PAN3: variants seen among roughly 807,000 people sequenced by gnomAD.
PAN3 encodes PAN2-PAN3 deadenylation complex subunit PAN3.
A neutral mutation model predicts 96.2 loss-of-function variants in PAN3; 19 were observed. The observed-to-expected ratio is 0.20, with a 90% CI of 0.14 to 0.29. PAN3 has a LOEUF of 0.29. PAN3 is among the 10% of genes least tolerant of loss of function. The pLI is 1.00. For synonymous variants in PAN3, 433 were observed against 406.6 expected, an observed-to-expected ratio of 1.06 and a Z score of -0.78; for missense variants, 882 against 1,108.1, an observed-to-expected ratio of 0.80 and a Z score of 2.90.
At chr13:28,220,152 C>T in intron 5 of PAN3, 79 bp from the exon 6 acceptor site, 1 of 1,347,780 alleles carries the variant, frequency 7.4e-7, no homozygotes, top group Non-Finnish European at 1.0e-6. Context: ...AAATAAAGCA[C>T]TGTGGAATAT....
At chr13:28,222,324 G>A (rs1881498090) in intron 6 of PAN3, among the ~76,000 whole-genome samples, 1 of 151,614 alleles carries the variant, frequency 6.6e-6, no homozygotes, top group Non-Finnish European at 1.5e-5. Flanking sequence ...AATTAAATTA[G>A]CTGAAAATCT....
rs35542876 is a variant in PAN3 at position 28,280,555 on chromosome 13, ATTTTTTT to A, written c.2319+32_2319+38del. The A allele has an allele frequency of 9.2e-5, 106 of 1,150,748 alleles. No homozygotes were observed. Among genetic ancestry groups the A allele is most frequent in the African/African-American group, 3.0e-4 (14 of 46,748 alleles). The allele number at this position is 1,150,748 out of a possible 1,614,324, so 71.3% of individuals were successfully genotyped here. A position where few individuals can be genotyped will look rare whatever the true frequency, so the allele number is the denominator to read the frequency against. ...GACCTTGCAAAGGTAAAGAGTGTAA[ATTTTTTT>A]TTTTTTTTTTTTTTTTTGAGACAGA... On this transcript the variant is annotated intron_variant, in intron 16 of 18. Transcript: ENST00000380958.
At chr13:28,252,638 A>G (rs1884830216) in intron 6 of PAN3, among the ~76,000 whole-genome samples, 1 of 152,072 alleles carries the variant, frequency 6.6e-6, no homozygotes, top group Non-Finnish European at 1.5e-5. Context: ...TCATTTTTCA[A>G]ATGCCCTAAA....
At chr13:28,178,671 C>T (rs1875370090) in intron 4 of PAN3, among the ~76,000 whole-genome samples, 1 of 151,086 alleles carries the variant, frequency 6.6e-6, no homozygotes, top group Non-Finnish European at 1.5e-5. Context: ...GAAGAAAGAC[C>T]CAAAATTTAA....
At chr13:28,261,626 A>T (rs1221543916) in intron 9 of PAN3, among the ~76,000 whole-genome samples, 168 bp downstream of exon 9, 1 of 152,148 alleles carries the variant, frequency 6.6e-6, no homozygotes. Flanking sequence ...TGAGCCCAGA[A>T]GTTTGAGACT....
chr13:28,174,304 A>G lies in PAN3; in HGVS notation c.463A>G (p.Thr155Ala), dbSNP rs151232852. The G allele has an allele frequency of 2.4e-5, 38 of 1,612,774 alleles. No individual in the cohort carries two copies. The highest frequency in any genetic ancestry group is 3.1e-5 in the Non-Finnish European group (36 of 1,178,936). ...AATGGATGGAGGTGCTTTAACTGAT[A>G]CAAGTCTCACAGATTCCTATTTTAG... ...PGMDGGALTDTSLTDSYFSTS... is the reference protein window; with the variant it reads ...PGMDGGALTDASLTDSYFSTS... Residue 155 changes from threonine (T) to alanine (A), a missense_variant, in exon 2 of 19, where the codon ACA becomes GCA. Around this residue, in one of 3 missense-constraint regions of PAN3, gnomAD observed 442 missense variants for 422.8 expected, o/e 1.05. Transcript: ENST00000380958.
At chr13:28,288,377 G>A (rs904922340) in intron 18 of PAN3, among the ~76,000 whole-genome samples, 1 of 152,180 alleles carries the variant, frequency 6.6e-6, no homozygotes, top group African/African-American at 2.4e-5. Flanking sequence ...TTGGCTCACT[G>A]CAACCTCTGC....
At chr13:28,172,511 A>G (rs1020261505) in intron 1 of PAN3, among the ~76,000 whole-genome samples, 13 of 152,250 alleles carry the variant, frequency 8.5e-5, no homozygotes, top group African/African-American at 1.7e-4. Flanking sequence ...TATTATGGAA[A>G]ATTTTAAACT....
At chr13:28,256,675 T>A in intron 7 of PAN3, 136 bp downstream of exon 7, 1 of 908,806 alleles carries the variant, frequency 1.1e-6, no homozygotes, top group Non-Finnish European at 1.6e-6. Context: ...AGATGAGAAG[T>A]CTAGTCTCTT....
At chr13:28,142,530 T>TTTTTTTTTTTG (rs1869997874) in intron 1 of PAN3, among the ~76,000 whole-genome samples, 1 of 145,546 alleles carries the variant, frequency 6.9e-6, no homozygotes, top group Admixed American at 6.8e-5. Context: ...TTTTTTTTTT[T>TTTTTTTTTTTG]GAGACAGGGA....
At chr13:28,188,293 G>A (rs117373896) in intron 4 of PAN3, among the ~76,000 whole-genome samples, 1 of 151,914 alleles carries the variant, frequency 6.6e-6, no homozygotes, top group East Asian at 1.9e-4. Context: ...GCTTCTTTCT[G>A]TTCATTAAAT....
chr13:28,196,468 T>G lies in PAN3; in HGVS notation c.691-717T>G, dbSNP rs184389003. Among the ~76,000 whole-genome samples the G allele has an allele frequency of 3.0e-4, 46 of 152,234 alleles. 1 individual carries two copies. The East Asian group carries it at 8.9e-3, about 29-fold the overall frequency. On this transcript the variant is annotated intron_variant, in intron 4 of 18. Transcript: ENST00000380958. ...TTTCTTATAATGTTAGGCAAATAAT[T>G]TATGATTTTATTGAATAATTTATTC...
intron 4 of PAN3, among the ~76,000 whole-genome samples, chr13:28,193,767 A>G (rs1232977231): frequency 6.6e-6 from 1 of 151,004 alleles, no homozygotes; most frequent in Non-Finnish European, 1.5e-5. Flanking sequence ...CCCAAGAAAC[A>G]AAAACTAACC....
intron 1 of PAN3, among the ~76,000 whole-genome samples, chr13:28,144,234 T>TTG (rs1870276329): frequency 7.0e-6 from 1 of 142,372 alleles, no homozygotes; most frequent in African/African-American, 2.7e-5. Flanking sequence ...TTTTTTTTTT[T>TTG]GATATGGAGT....
intron 6 of PAN3, among the ~76,000 whole-genome samples, chr13:28,235,650 T>C (rs1447444340): frequency 5.3e-5 from 8 of 151,300 alleles, no homozygotes; most frequent in African/African-American, 2.0e-4. Context: ...GAGTATCTCA[T>C]AATTTTTTAG....
chr13:28,288,955 TA>T (rs1869346378), intron 18 of PAN3, among the ~76,000 whole-genome samples: 1 of 149,360 alleles, frequency 6.7e-6, no homozygotes, highest in Non-Finnish European at 1.5e-5. Context: ...GCCTCCCAAG[TA>T]GCTGGGACTA....
At chr13:28,270,672 G>T in intron 12 of PAN3, 29 bp from the exon 13 acceptor site, 1 of 1,595,684 alleles carries the variant, frequency 6.3e-7, no homozygotes, top group Non-Finnish European at 8.5e-7. Flanking sequence ...TACTTAAGAT[G>T]TCATTTTTTG....
At position 28,292,907 on chromosome 13, in the gene PAN3, C is replaced by T. The variant is rs1161700186; in HGVS notation, c.*385C>T. 6.5e-6 allele frequency: 1 copy of T among 154,434 alleles called. No individual in the cohort carries two copies. The highest frequency in any genetic ancestry group is 2.4e-5 in the African/African-American group (1 of 41,482). 9.6% of individuals were successfully genotyped at this position (154,434 alleles called of 1,614,324 possible). A position where few individuals can be genotyped will look rare whatever the true frequency, so the allele number is the denominator to read the frequency against. On this transcript the variant is annotated 3_prime_UTR_variant, in exon 19 of 19. Coordinates refer to ENST00000380958, the MANE Select transcript of PAN3 (RefSeq NM_175854.8). ...ACTTTGCAAGGACATTTTTGGGAAG[C>T]AATGCTGGGCAGCGTTTTTGCCATT...
At chr13:28,265,341 A>T (rs573916426) in intron 9 of PAN3, among the ~76,000 whole-genome samples, 3 of 152,266 alleles carry the variant, frequency 2.0e-5, no homozygotes, top group Non-Finnish European at 4.4e-5. Flanking sequence ...CTAGGACTAT[A>T]GTCACATGCA....
Sources: allele counts gnomAD v4.1 joint callset (sites outside exome capture counted in the v4.1 genomes callset), GRCh38; gene constraint gnomAD v4.1.1; regional missense constraint gnomAD v4.1.1; transcripts MANE v1.5; gene names NCBI Gene and HGNC (gene_info 2026-07-23, HGNC 2026-07-21).